The following OR10H3 variants were observed in gnomAD, a reference collection of about 807,000 sequenced individuals.
OR10H3 encodes olfactory receptor family 10 subfamily H member 3, also known as olfactory receptor 10H3.
A neutral mutation model predicts 11.1 loss-of-function variants in OR10H3; 15 were observed. The ratio of observed to expected loss-of-function variants is 1.36; its 90% CI spans 0.91 to 2.09. OR10H3 has a LOEUF of 2.09. Ranked by LOEUF, OR10H3 falls within the 30% of genes most tolerant of loss-of-function variation. OR10H3 has a pLI of 0.00. For missense variants in OR10H3, 403 were observed against 391.5 expected, an observed-to-expected ratio of 1.03 and a Z score of -0.25; for synonymous variants, 149 against 142.1, an observed-to-expected ratio of 1.05 and a Z score of -0.35.
intron 1 of OR10H3, among the ~76,000 whole-genome samples, chr19:15,740,526 A>G (rs1430226948): frequency 6.6e-6 from 1 of 152,140 alleles, no homozygotes; most frequent in African/African-American, 2.4e-5. Context: ...AAGCTTTCTC[A>G]TTATATAATT....
At position 15,739,812 on chromosome 19, in the gene OR10H3, G is replaced by A. The variant is rs182537187; in HGVS notation, c.-11-1570G>A. ...AGTTACATGGATTTATAGTATTGAT[G>A]CTGTTTGCTATGTTCTTTTAATGGG... On this transcript the variant is annotated intron_variant, in intron 1 of 1. Coordinates refer to ENST00000641646, the MANE Select transcript of OR10H3 (RefSeq NM_013938.2). 4.3e-3 allele frequency among the ~76,000 whole-genome samples: 659 copies of A among 152,192 alleles called. 2 individuals are homozygous for A. The highest frequency in any genetic ancestry group is 6.6e-3 in the Non-Finnish European group (448 of 67,992).
intron 1 of OR10H3, among the ~76,000 whole-genome samples, chr19:15,739,324 TG>T (rs1568437932): frequency 6.6e-6 from 1 of 152,308 alleles, no homozygotes; most frequent in East Asian, 1.9e-4. Flanking sequence ...AGCTAATGTC[TG>T]GATATTATTA....
At chr19:15,740,253 C>A (rs2008683144) in intron 1 of OR10H3, among the ~76,000 whole-genome samples, 1 of 152,044 alleles carries the variant, frequency 6.6e-6, no homozygotes, top group Non-Finnish European at 1.5e-5. Flanking sequence ...CAGAGTGAGA[C>A]CTTGTCTCTA....
intron 1 of OR10H3, 27 bp downstream of exon 1, chr19:15,738,078 T>A (rs1375606848): frequency 6.5e-6 from 1 of 152,728 alleles, no homozygotes; most frequent in Non-Finnish European, 1.5e-5. Flanking sequence ...TTTTCTTGAC[T>A]CTAAAGTGAT....
Position 15,738,011 on chromosome 19 carries a change from A to G in OR10H3, c.-52A>G, listed in dbSNP as rs918365142. 1 of 152,606 alleles carries G rather than the reference A, an allele frequency of 6.6e-6. No individual in the cohort carries two copies. Among genetic ancestry groups the G allele is most frequent in the Admixed American group, 6.5e-5 (1 of 15,274 alleles). 9.5% of individuals were successfully genotyped at this position (152,606 alleles called of 1,614,324 possible). Reference sequence around the variant, plus strand: ...TTTCTTTCCCTTACCTTATACCATCACTCACGAATTTCAGCTCCATGTTAA... The same window carrying G: ...TTTCTTTCCCTTACCTTATACCATCGCTCACGAATTTCAGCTCCATGTTAA... On this transcript the variant is annotated 5_prime_UTR_variant, in exon 1 of 2. Transcript: ENST00000641646.
chr19:15,740,767 T>C (rs991141069), intron 1 of OR10H3, among the ~76,000 whole-genome samples: 1 of 152,262 alleles, frequency 6.6e-6, no homozygotes, highest in Non-Finnish European at 1.5e-5. Context: ...CTTGCGATCA[T>C]TGTTTCCTTA....
Position 15,742,306 on chromosome 19 carries a change from A to G in OR10H3, c.914A>G (p.Lys305Arg), listed in dbSNP as rs879090318. 1.2e-6 allele frequency: 2 copies of G among 1,613,704 alleles called. No individual in the cohort carries two copies. Among genetic ancestry groups the G allele is most frequent in the Admixed American group, 3.3e-5 (2 of 59,908 alleles). ...RNKELKNAIN[K>R]NFCRRFCPLS... ...AAGGAGCTGAAGAATGCCATAAATA[A>G]AAACTTTTGCAGAAGGTTCTGCCCT... is the stretch of plus-strand genomic sequence containing the variant. The change falls in exon 2 of 2, where the codon AAA becomes AGA. Residue 305 changes from lysine to arginine, a missense_variant. Transcript: ENST00000641646.
Position 15,742,211 on chromosome 19 carries a change from T to C in OR10H3, c.819T>C (p.Asp273=), listed in dbSNP as rs753413909. Residue 273 remains aspartate (D), a synonymous_variant, in exon 2 of 2, where the codon GAT becomes GAC. Transcript: ENST00000641646. Reference sequence around the variant, plus strand: ...AGGGCCTCCATTCTATGTACAGTGATGCCTTGATGGCCACCACCTATACTG... The same window carrying C: ...AGGGCCTCCATTCTATGTACAGTGACGCCTTGATGGCCACCACCTATACTG... ...KPKGLHSMYS[D]ALMATTYTVF... is the part of the protein sequence containing the mutation. 4 of 1,614,002 alleles carry C rather than the reference T, an allele frequency of 2.5e-6. No homozygotes were observed. In the African/African-American group the frequency reaches 4.0e-5, roughly 16 times the overall value.
chr19:15,741,589 C>A lies in OR10H3; in HGVS notation c.197C>A (p.Ala66Asp). The change falls in exon 2 of 2, where the codon GCC (alanine) becomes GAC (aspartate). Residue 66 changes from alanine to aspartate, a missense_variant. Transcript: ENST00000641646. Reference protein sequence around the residue: ...LHTPMYLFLCALSISEILFTV... With the variant: ...LHTPMYLFLCDLSISEILFTV... ...ACACCCATGTACCTCTTCTTGTGTG[C>A]CCTCTCCATCTCTGAGATTCTGTTC... 1.2e-6 allele frequency: 2 copies of A among 1,614,180 alleles called. No homozygotes were observed. The highest frequency in any genetic ancestry group is 1.7e-6 in the Non-Finnish European group (2 of 1,180,022).
intron 1 of OR10H3, among the ~76,000 whole-genome samples, chr19:15,741,047 G>A (rs983179408): frequency 4.6e-5 from 7 of 152,166 alleles, no homozygotes; most frequent in Admixed American, 6.5e-5. Context: ...TCTAGAACTG[G>A]CACATTTTCA....
At chr19:15,741,327 T>C in intron 1 of OR10H3, 55 bp from the exon 2 acceptor site, 1 of 1,163,730 alleles carries the variant, frequency 8.6e-7, no homozygotes, top group South Asian at 1.4e-5. Flanking sequence ...ATTTGGTCTG[T>C]GCTAGAGTCT....
intron 1 of OR10H3, 88 bp downstream of exon 1, chr19:15,738,139 A>T (rs2008660667): frequency 6.6e-6 from 1 of 152,140 alleles, no homozygotes; most frequent in South Asian, 2.1e-4. Flanking sequence ...TGTGCTATAT[A>T]TTCTATATCT....
chr19:15,741,919 A>C lies in OR10H3; in HGVS notation c.527A>C (p.His176Pro). 1 of 1,614,144 alleles carries C rather than the reference A, an allele frequency of 6.2e-7. No individual in the cohort carries two copies. Residue 176 changes from histidine (H) to proline (P), a missense_variant, in exon 2 of 2, where the codon CAC becomes CCC. By Grantham distance (77) the His-to-Pro change is moderately conservative. Coordinates refer to ENST00000641646, the MANE Select transcript of OR10H3 (RefSeq NM_013938.2). ...ACTTTCTGTGGGTCTAATGTGATCC[A>C]CCATTTTCTCTGTCATGTGCTTTCC... The part of the protein sequence containing the change: ...HLTFCGSNVI[H>P]HFLCHVLSLL...
Position 15,741,515 on chromosome 19 carries a change from T to C in OR10H3, c.123T>C (p.Leu41=), listed in dbSNP as rs374241250. Reference sequence around the variant, plus strand: ...TCCTGATGTTCCTGTTCACATTGCTTGGCAACCTTCTTATCATGGCCACAG... The same window carrying C: ...TCCTGATGTTCCTGTTCACATTGCTCGGCAACCTTCTTATCATGGCCACAG... ...LYLLMFLFTL[L]GNLLIMATVW... Residue 41 remains leucine (L), a synonymous_variant, in exon 2 of 2, where the codon CTT becomes CTC. Coordinates refer to ENST00000641646, the MANE Select transcript of OR10H3 (RefSeq NM_013938.2). 8.7e-6 allele frequency: 14 copies of C among 1,614,138 alleles called. No homozygotes were observed. The African/African-American group carries it at 1.6e-4, about 18-fold the overall frequency.
At chr19:15,738,652 G>T (rs1176986867) in intron 1 of OR10H3, among the ~76,000 whole-genome samples, 3 of 151,810 alleles carry the variant, frequency 2.0e-5, no homozygotes, top group Non-Finnish European at 4.4e-5. Context: ...AAAGATTTTA[G>T]AGAGACGATC....
Position 15,741,708 on chromosome 19 carries a change from T to C in OR10H3, c.316T>C (p.Phe106Leu), listed in dbSNP as rs765481758. 1 of 1,614,196 alleles carries C rather than the reference T, an allele frequency of 6.2e-7. No homozygotes were observed. The highest frequency in any genetic ancestry group is 1.6e-4 in the Middle Eastern group (1 of 6,062). ...VACAIQMFFS[F>L]MFGFTHSFLL... ...TTGTGCCATTCAGATGTTCTTCTCC[T>C]TCATGTTTGGCTTCACTCACTCCTT... The change falls in exon 2 of 2, where the codon TTC becomes CTC. Residue 106 changes from phenylalanine (F) to leucine (L), a missense_variant. Physicochemically the swap from Phe to Leu is conservative, Grantham distance 22 (BLOSUM62 0). Transcript: ENST00000641646.
chr19:15,742,248 T>C lies in OR10H3; in HGVS notation c.856T>C (p.Phe286Leu), dbSNP rs2008712505. The change falls in exon 2 of 2, where the codon TTC (phenylalanine) becomes CTC (leucine). Residue 286 changes from phenylalanine (F) to leucine (L), a missense_variant. Phe to Leu is a conservative substitution (Grantham distance 22, BLOSUM62 0). Coordinates refer to ENST00000641646, the MANE Select transcript of OR10H3 (RefSeq NM_013938.2). ...MATTYTVFTPFLSPIIFSLRN... is the reference protein window; with the variant it reads ...MATTYTVFTPLLSPIIFSLRN... Reference sequence around the variant, plus strand: ...CACCACCTATACTGTCTTCACCCCCTTCCTCAGCCCAATCATTTTCAGTCT... The same window carrying C: ...CACCACCTATACTGTCTTCACCCCCCTCCTCAGCCCAATCATTTTCAGTCT... 1 of 1,614,110 alleles carries C rather than the reference T, an allele frequency of 6.2e-7. No homozygotes were observed. The highest frequency in any genetic ancestry group is 1.1e-5 in the South Asian group (1 of 91,076).
At chr19:15,738,755 G>A (rs989913944) in intron 1 of OR10H3, among the ~76,000 whole-genome samples, 1 of 151,684 alleles carries the variant, frequency 6.6e-6, no homozygotes, top group Non-Finnish European at 1.5e-5. Flanking sequence ...ATTTTTCTAA[G>A]TACTTGTTCA....
intron 1 of OR10H3, among the ~76,000 whole-genome samples, chr19:15,740,162 C>A (rs1243243106): frequency 2.0e-5 from 3 of 151,802 alleles, no homozygotes; most frequent in Non-Finnish European, 4.4e-5. Flanking sequence ...ATTTAGGAGA[C>A]TGAGAAGAAG....
Sources: gnomAD v4.1 joint callset for allele counts (sites outside exome capture counted in the v4.1 genomes callset) on GRCh38, gnomAD v4.1.1 for gene constraint, MANE v1.5 for transcripts, NCBI Gene and HGNC (gene_info 2026-07-23, HGNC 2026-07-21) for gene names.